The following NBEA variants were observed in gnomAD, a reference collection of about 807,000 sequenced individuals.
The protein encoded by NBEA is lysosomal-trafficking regulator 2.
In NBEA, 44 loss-of-function variants were observed where a neutral mutation model predicts 343.4. That is an observed-to-expected ratio of 0.13 (90% CI 0.10 to 0.16). NBEA has a LOEUF of 0.16. NBEA is among the 10% of genes least tolerant of loss of function. The probability of loss-of-function intolerance (pLI) is 1.00; values close to 1 mark genes in which losing one functional copy is unlikely to be tolerated. For synonymous variants in NBEA, 1,175 were observed against 1,238.7 expected, an observed-to-expected ratio of 0.95 and a Z score of 1.08; for missense variants, 2,555 against 3,631.3, an observed-to-expected ratio of 0.70 and a Z score of 7.62.
chr13:35,294,885 T>C (rs1025079980), intron 35 of NBEA, among the ~76,000 whole-genome samples: 6 of 151,778 alleles, frequency 4.0e-5, no homozygotes, highest in African/African-American at 1.5e-4. Context: ...CAGCGGAGAA[T>C]TGGGCTGAAG....
chr13:35,421,023 T>A lies in NBEA; in HGVS notation c.6180-11246T>A, dbSNP rs554508825. ...ATTTTTATTGATTTCTGCTTTTTTA[T>A]TGTTTCCTTTCTTCTACTTGCCTTT... On this transcript the variant is annotated intron_variant, in intron 38 of 58. Coordinates refer to ENST00000379939, the MANE Select transcript of NBEA (RefSeq NM_001385012.1). 2.6e-5 allele frequency among the ~76,000 whole-genome samples: 4 copies of A among 152,154 alleles called. No homozygotes were observed. In the South Asian group the frequency reaches 8.3e-4, roughly 31 times the overall value.
intron 36 of NBEA, among the ~76,000 whole-genome samples, chr13:35,324,661 G>C (rs896417049): frequency 6.6e-6 from 1 of 152,030 alleles, no homozygotes; most frequent in Non-Finnish European, 1.5e-5. Flanking sequence ...CCTCATCTAC[G>C]AGTAACTCAT....
chr13:35,412,728 C>G (rs1054628411), intron 38 of NBEA, among the ~76,000 whole-genome samples: 1 of 152,070 alleles, frequency 6.6e-6, no homozygotes, highest in African/African-American at 2.4e-5. Flanking sequence ...CAGGAAACAG[C>G]TATGCTGGTG....
intron 49 of NBEA, among the ~76,000 whole-genome samples, chr13:35,634,441 G>GA (rs2083609613): frequency 6.6e-6 from 1 of 152,126 alleles, no homozygotes; most frequent in African/African-American, 2.4e-5. Context: ...TTCAGCAAGA[G>GA]AAAAAAATTG....
chr13:35,333,479 A>G (rs1038031767), intron 36 of NBEA, among the ~76,000 whole-genome samples: 1 of 152,120 alleles, frequency 6.6e-6, no homozygotes, highest in African/African-American at 2.4e-5. Flanking sequence ...GCAATGCATA[A>G]TAATCACATC....
At chr13:35,450,887 G>GTGTATGCA (rs1174156711) in intron 39 of NBEA, among the ~76,000 whole-genome samples, 3 of 152,136 alleles carry the variant, frequency 2.0e-5, no homozygotes, top group African/African-American at 7.2e-5. Context: ...GGTGTAGGTG[G>GTGTATGCA]TGTATGCATG....
At chr13:35,316,624 A>G (rs528015810) in intron 36 of NBEA, among the ~76,000 whole-genome samples, 9 of 152,230 alleles carry the variant, frequency 5.9e-5, no homozygotes, top group Non-Finnish European at 8.8e-5. Context: ...GTATATACCC[A>G]GTAATGGGAT....
intron 1 of NBEA, among the ~76,000 whole-genome samples, chr13:35,039,992 C>T (rs1206933938): frequency 1.3e-5 from 2 of 152,082 alleles, no homozygotes; most frequent in African/African-American, 2.4e-5. Flanking sequence ...CTTGGACATT[C>T]ATATATTCTA....
chr13:35,525,980 T>A (rs2077955770), intron 41 of NBEA, among the ~76,000 whole-genome samples: 1 of 152,154 alleles, frequency 6.6e-6, no homozygotes, highest in African/African-American at 2.4e-5. Flanking sequence ...GACACGAACG[T>A]TCGGACCATA....
At chr13:35,083,567 T>C (rs551990291) in intron 10 of NBEA, among the ~76,000 whole-genome samples, 9 of 152,080 alleles carry the variant, frequency 5.9e-5, no homozygotes, top group Non-Finnish European at 1.2e-4. Context: ...CTGAGAGATT[T>C]TGTCACCACC....
chr13:35,104,075 G>A (rs1339367419), intron 11 of NBEA, among the ~76,000 whole-genome samples: 9 of 151,602 alleles, frequency 5.9e-5, no homozygotes, highest in Non-Finnish European at 1.3e-4. Flanking sequence ...TCTATTTTAG[G>A]CAAAGGTCTT....
chr13:35,267,117 A>T (rs2033748034), intron 34 of NBEA, among the ~76,000 whole-genome samples: 1 of 151,906 alleles, frequency 6.6e-6, no homozygotes, highest in Non-Finnish European at 1.5e-5. Context: ...GTGGAGGAGA[A>T]GAAAGAAGAG....
intron 45 of NBEA, among the ~76,000 whole-genome samples, chr13:35,581,298 T>C (rs1035415893): frequency 6.6e-6 from 1 of 152,034 alleles, no homozygotes; most frequent in Non-Finnish European, 1.5e-5. Context: ...TTCCTGACTT[T>C]TTAATGATTG....
intron 10 of NBEA, among the ~76,000 whole-genome samples, chr13:35,091,327 A>G (rs1017458822): frequency 1.3e-5 from 2 of 152,014 alleles, no homozygotes; most frequent in African/African-American, 4.8e-5. Flanking sequence ...AGAACTGAAA[A>G]TATCAGGGAT....
chr13:35,118,640 T>A (rs1196071272), intron 16 of NBEA, among the ~76,000 whole-genome samples, 166 bp downstream of exon 16: 1 of 152,090 alleles, frequency 6.6e-6, no homozygotes, highest in Non-Finnish European at 1.5e-5. Context: ...AGGAAACTGA[T>A]GAAGTGTATA....
At chr13:35,119,629 A>G (rs2066683241) in intron 16 of NBEA, among the ~76,000 whole-genome samples, 1 of 152,024 alleles carries the variant, frequency 6.6e-6, no homozygotes, top group Admixed American at 6.6e-5. Context: ...CCCAGGCTGG[A>G]GTGCAGTGTG....
intron 17 of NBEA, among the ~76,000 whole-genome samples, chr13:35,136,250 T>C (rs2067721275): frequency 6.6e-6 from 1 of 152,216 alleles, no homozygotes; most frequent in Admixed American, 6.5e-5. Flanking sequence ...GATTTCTCCC[T>C]TAATAATCCC....
At chr13:35,287,063 C>T (rs966143664) in intron 34 of NBEA, among the ~76,000 whole-genome samples, 13 of 152,082 alleles carry the variant, frequency 8.5e-5, no homozygotes, top group African/African-American at 1.9e-4. Flanking sequence ...ACTTAATGGA[C>T]GGTTTCCTTA....
At chr13:35,206,272 A>G (rs2073389625) in intron 31 of NBEA, among the ~76,000 whole-genome samples, 1 of 152,168 alleles carries the variant, frequency 6.6e-6, no homozygotes, top group Admixed American at 6.5e-5. Context: ...CAAAGTTAGT[A>G]ATGATCAACA....
Sources: gnomAD v4.1 joint callset for allele counts (sites outside exome capture counted in the v4.1 genomes callset) on GRCh38, gnomAD v4.1.1 for gene constraint, MANE v1.5 for transcripts, NCBI Gene and HGNC (gene_info 2026-07-23, HGNC 2026-07-21) for gene names.